The following PCDHA9 variants were observed in gnomAD, a reference collection of about 807,000 sequenced individuals.
PCDHA9 encodes the protein protocadherin alpha-9.
A neutral mutation model predicts 62.0 loss-of-function variants in PCDHA9; 62 were observed. That is an observed-to-expected ratio of 1.00 (90% confidence interval 0.81 to 1.23). The LOEUF (loss-of-function observed/expected upper bound fraction) is 1.23. Among genes scored for constraint, PCDHA9 ranks in the 50% most tolerant of loss-of-function variants. The pLI is 0.00. For missense variants in PCDHA9, 1,205 were observed against 1,249.8 expected (o/e 0.96, Z 0.54); for synonymous variants, 557 against 567.6 (o/e 0.98, Z 0.27).
chr5:140,962,014 G>C (rs2095650512), intron 1 of PCDHA9, among the ~76,000 whole-genome samples: 1 of 151,888 alleles, frequency 6.6e-6, no homozygotes, highest in African/African-American at 2.4e-5. Flanking sequence ...TTCCCGAGTA[G>C]CTGGGACTAC....
intron 1 of PCDHA9, chr5:140,865,867 G>A (rs1382471078): frequency 7.9e-5 from 12 of 152,202 alleles, no homozygotes; most frequent in South Asian, 2.1e-4. Flanking sequence ...ACATGGTCTC[G>A]GCTAGGAAAA....
intron 1 of PCDHA9, among the ~76,000 whole-genome samples, chr5:140,902,482 C>T (rs1554190466): frequency 1.3e-5 from 2 of 152,086 alleles, no homozygotes; most frequent in Non-Finnish European, 2.9e-5. Context: ...TTTGCCTGCT[C>T]AGTATGATAC....
chr5:140,869,429 T>C lies in PCDHA9; in HGVS notation c.2394+18540T>C, dbSNP rs1006497068. ...GAGTGCAGCATCCACCTGGAGGTGA[T>C]CGTGGACAGGCCGCTGCAGGTTTTC... is the stretch of plus-strand genomic sequence containing the variant. On this transcript the variant is annotated intron_variant, in intron 1 of 3. Coordinates refer to ENST00000532602, the MANE Select transcript of PCDHA9 (RefSeq NM_031857.2). The C allele has an allele frequency of 2.2e-5, 35 of 1,614,074 alleles. No homozygotes were observed. The highest frequency in any genetic ancestry group is 3.0e-5 in the Non-Finnish European group (35 of 1,180,048).
Position 140,849,750 on chromosome 5 carries a change from T to G in PCDHA9, c.1255T>G (p.Ser419Ala). 1 of 1,598,370 alleles carries G rather than the reference T, an allele frequency of 6.3e-7. No homozygotes were observed. The highest frequency in any genetic ancestry group is 1.7e-5 in the Admixed American group (1 of 59,280). Residue 419 changes from serine to alanine, a missense_variant, in exon 1 of 4, where the codon TCC becomes GCC. Transcript: ENST00000532602. ...CAGAGCTCTGGACCGCGAGAGTGTG[T>G]CCGCCTACGAGCTGGTGGTTACCGC... ...LDRALDRESV[S>A]AYELVVTARD...
intron 1 of PCDHA9, among the ~76,000 whole-genome samples, chr5:140,901,959 A>G (rs1163639408): frequency 6.6e-6 from 1 of 152,076 alleles, no homozygotes; most frequent in Admixed American, 6.6e-5. Flanking sequence ...ATTCGTGGCT[A>G]TCGTAAATGG....
intron 1 of PCDHA9, chr5:140,877,005 C>A (rs1433546348): frequency 6.2e-7 from 1 of 1,612,356 alleles, no homozygotes; most frequent in African/African-American, 1.3e-5. Flanking sequence ...TGTCGGTGCA[C>A]GCGGAGAGCG....
intron 1 of PCDHA9, among the ~76,000 whole-genome samples, chr5:140,916,773 A>G (rs1584011849): frequency 6.6e-6 from 1 of 151,502 alleles, no homozygotes; most frequent in South Asian, 2.1e-4. Context: ...TGGCACAAGC[A>G]CTCCCTTAGC....
intron 1 of PCDHA9, among the ~76,000 whole-genome samples, chr5:140,952,079 C>A (rs2094682960): frequency 6.6e-6 from 1 of 152,162 alleles, no homozygotes; most frequent in South Asian, 2.1e-4. Flanking sequence ...TTCATTGACT[C>A]CATGTCTCAC....
Position 140,857,393 on chromosome 5 carries a change from G to A in PCDHA9, c.2394+6504G>A, listed in dbSNP as rs146099067. 164 of 1,598,378 alleles carry A rather than the reference G, an allele frequency of 1.0e-4. 11 individuals are homozygous for A. Among genetic ancestry groups the A allele is most frequent in the Non-Finnish European group, 1.3e-4 (157 of 1,167,892 alleles). ...GTCTGTGGAGGTGGCCGACGTGAAC[G>A]ACAACGCGCCTGCGTTCGCGCAGTC... On this transcript the variant is annotated intron_variant, in intron 1 of 3. Coordinates refer to ENST00000532602, the MANE Select transcript of PCDHA9 (RefSeq NM_031857.2).
At chr5:140,998,156 C>T (rs782675490) in intron 3 of PCDHA9, among the ~76,000 whole-genome samples, 3 of 152,178 alleles carry the variant, frequency 2.0e-5, no homozygotes, top group Non-Finnish European at 4.4e-5. Context: ...ACAGTTAAGC[C>T]ATGTGCCAAG....
chr5:140,901,575 C>T (rs1554189900), intron 1 of PCDHA9, among the ~76,000 whole-genome samples: 1 of 152,030 alleles, frequency 6.6e-6, no homozygotes, highest in African/African-American at 2.4e-5. Context: ...GTTTTTATGC[C>T]AGTGCCATGA....
chr5:140,935,563 C>T (rs1554210554), intron 1 of PCDHA9, among the ~76,000 whole-genome samples: 1 of 152,176 alleles, frequency 6.6e-6, no homozygotes. Context: ...GGAAAAGTTC[C>T]TCTCTGTGTA....
chr5:140,883,867 C>T (rs2059859396), intron 1 of PCDHA9: 3 of 1,613,138 alleles, frequency 1.9e-6, no homozygotes, highest in Non-Finnish European at 2.5e-6. Flanking sequence ...TGTTGCAGTT[C>T]CAGGTGAGCG....
rs1038140347 is a variant in PCDHA9 at position 140,928,220 on chromosome 5, C to T, written c.2395-50729C>T. On this transcript the variant is annotated intron_variant, in intron 1 of 3. Transcript: ENST00000532602. ...GTTGCTGATGTGAATGACAATACAC[C>T]AAACTTTCCTCAACCCCAGCAGGAA... The T allele has an allele frequency of 2.5e-6, 4 of 1,614,048 alleles. No individual in the cohort carries two copies. The Admixed American group carries it at 5.0e-5, about 20-fold the overall frequency.
intron 1 of PCDHA9, chr5:140,877,641 C>T (rs548787462): frequency 1.9e-6 from 3 of 1,613,592 alleles, no homozygotes; most frequent in Non-Finnish European, 2.5e-6. Context: ...CGCTGCGTTG[C>T]TCAGCGCCGC....
At chr5:140,889,835 C>A (rs899287696) in intron 1 of PCDHA9, among the ~76,000 whole-genome samples, 10 of 152,080 alleles carry the variant, frequency 6.6e-5, no homozygotes, top group African/African-American at 2.2e-4. Context: ...TTACAGTATG[C>A]TTTGGTCTCT....
chr5:140,953,564 GC>G (rs543933826), intron 1 of PCDHA9, among the ~76,000 whole-genome samples: 356 of 152,176 alleles, frequency 2.3e-3, no homozygotes, highest in African/African-American at 7.9e-3. Context: ...AAGTTTTAGT[GC>G]CCTCCTCTCC....
intron 3 of PCDHA9, among the ~76,000 whole-genome samples, chr5:140,992,981 A>T (rs532135754): frequency 5.3e-5 from 8 of 152,232 alleles, no homozygotes; most frequent in Admixed American, 1.3e-4. Flanking sequence ...TGATTAGGCC[A>T]TGGGACCCAT....
chr5:140,867,133 A>T (rs1554160961), intron 1 of PCDHA9: 1 of 152,166 alleles, frequency 6.6e-6, no homozygotes, highest in African/African-American at 2.4e-5. Flanking sequence ...CAAATATGTG[A>T]TATTATCATT....
Sources: gnomAD v4.1 joint callset for allele counts (sites outside exome capture counted in the v4.1 genomes callset) on GRCh38, gnomAD v4.1.1 for gene constraint, MANE v1.5 for transcripts, NCBI Gene and HGNC (gene_info 2026-07-23, HGNC 2026-07-21) for gene names.